Variants in BCL11B observed in about 807,000 individuals in gnomAD.
BCL11B encodes the protein B-cell lymphoma/leukemia 11B.
Under a neutral mutation model 49.9 loss-of-function variants are expected in BCL11B, and 8 were observed. That is an observed-to-expected ratio of 0.16 (90% CI 0.09 to 0.29). BCL11B has a LOEUF of 0.29. Among genes scored for constraint, BCL11B ranks in the 10% least tolerant of loss-of-function variants. BCL11B has a pLI of 1.00. For synonymous variants in BCL11B, 739 were observed against 637.4 expected, an observed-to-expected ratio of 1.16 and a Z score of -2.40; for missense variants, 1,006 against 1,351.0, an observed-to-expected ratio of 0.74 and a Z score of 4.00.
At position 99,175,863 on chromosome 14, in the gene BCL11B, G is replaced by T; in HGVS notation, c.973C>A (p.Leu325Met). 2.0e-6 allele frequency: 3 copies of T among 1,477,584 alleles called. No individual in the cohort carries two copies. The highest frequency in any genetic ancestry group is 2.7e-6 in the Non-Finnish European group (3 of 1,119,504). 91.5% of individuals were successfully genotyped at this position (1,477,584 alleles called of 1,614,324 possible). A position where few individuals can be genotyped will look rare whatever the true frequency, so the allele number is the denominator to read the frequency against. The change falls in exon 4 of 4, where the codon CTG becomes ATG. Residue 325 changes from leucine (L) to methionine (M), a missense_variant. This residue lies in a region of BCL11B where 411 missense variants were observed against 542.2 expected (regional missense o/e 0.76). Coordinates refer to ENST00000357195, the MANE Select transcript of BCL11B (RefSeq NM_138576.4). Reference protein sequence around the residue: ...PLFSPPPRHHLDPHRLSAEEM... With the variant: ...PLFSPPPRHHMDPHRLSAEEM... ...TCGGCACTGAGGCGGTGCGGGTCCA[G>T]GTGGTGGCGCGGCGGGGGACTGAAG...
chr14:99,174,508 G>A lies in BCL11B; in HGVS notation c.2328C>T (p.Thr776=), dbSNP rs769515267. Residue 776 remains threonine, a synonymous_variant, in exon 4 of 4, where the codon ACC becomes ACT. Transcript: ENST00000357195. The part of the protein sequence containing the change: ...GRSGTASGGS[T]PHLGGPGPGR... ...CGGGGCCCGGGCCGCCCAGGTGCGG[G>A]GTGCTGCCTCCGCTGGCCGTGCCGC... 2.7e-5 allele frequency: 42 copies of A among 1,540,062 alleles called. No homozygotes were observed. Among genetic ancestry groups the A allele is most frequent in the African/African-American group, 6.9e-5 (5 of 72,042 alleles).
intron 3 of BCL11B, among the ~76,000 whole-genome samples, chr14:99,179,774 G>A (rs1886647623): frequency 6.6e-6 from 1 of 152,040 alleles, no homozygotes; most frequent in Admixed American, 6.5e-5. Flanking sequence ...GCCCGCCCTA[G>A]ACAACTTTCT....
chr14:99,190,315 C>A, intron 3 of BCL11B, among the ~76,000 whole-genome samples: 1 of 152,206 alleles, frequency 6.6e-6, no homozygotes, highest in East Asian at 1.9e-4. Flanking sequence ...AGTGAAACCC[C>A]GTCTCTACTA....
intron 1 of BCL11B, 90 bp downstream of exon 1, chr14:99,271,071 C>T: frequency 7.3e-7 from 1 of 1,363,386 alleles, no homozygotes; most frequent in Non-Finnish European, 9.6e-7. Context: ...GGCGCCTGGC[C>T]AGGCTCGGCT....
chr14:99,233,429 A>G (rs1009234653), intron 2 of BCL11B, among the ~76,000 whole-genome samples: 13 of 152,224 alleles, frequency 8.5e-5, no homozygotes, highest in African/African-American at 2.9e-4. Context: ...TGGGATCTCT[A>G]GAGCAACGGC....
chr14:99,204,951 C>T lies in BCL11B; in HGVS notation c.640+26394G>A, dbSNP rs558841294. Among the ~76,000 whole-genome samples, 31 of 152,258 alleles carry T rather than the reference C, an allele frequency of 2.0e-4. No individual in the cohort carries two copies. The East Asian group carries it at 3.3e-3, about 16-fold the overall frequency. On this transcript the variant is annotated intron_variant, in intron 3 of 3. Transcript: ENST00000357195. Reference sequence around the variant, plus strand: ...CATGTAACTTGGGGCCTAAATTCAGCCCACTTCATGTGACAACACCATTAC... The same window carrying T: ...CATGTAACTTGGGGCCTAAATTCAGTCCACTTCATGTGACAACACCATTAC...
At chr14:99,256,696 G>A (rs1889173452) in intron 2 of BCL11B, among the ~76,000 whole-genome samples, 1 of 152,224 alleles carries the variant, frequency 6.6e-6, no homozygotes, top group African/African-American at 2.4e-5. Flanking sequence ...ACTGTGGTGA[G>A]CAGACCCACG....
intron 3 of BCL11B, among the ~76,000 whole-genome samples, chr14:99,199,698 A>G (rs1317877144): frequency 1.3e-3 from 67 of 52,426 alleles, no homozygotes; most frequent in African/African-American, 2.5e-3. Flanking sequence ...GCGCGCGCGC[A>G]CGTGCACGTG....
Position 99,242,448 on chromosome 14 carries a change from T to C in BCL11B, c.428-10891A>G, listed in dbSNP as rs1449708965. 1.3e-5 allele frequency among the ~76,000 whole-genome samples: 2 copies of C among 152,148 alleles called. No individual in the cohort carries two copies. Among genetic ancestry groups the C allele is most frequent in the African/African-American group, 4.8e-5 (2 of 41,442 alleles). On this transcript the variant is annotated intron_variant, in intron 2 of 3. Transcript: ENST00000357195. This position sits in a 1 kb window ranked among gnomAD's most constrained non-coding sequence, Gnocchi z 4.4. Reference sequence around the variant, plus strand: ...TGCCCACGTGGAATTTACTTAGATCTGTATTCAATTAAGAAGCACCAGACA... The same window carrying C: ...TGCCCACGTGGAATTTACTTAGATCCGTATTCAATTAAGAAGCACCAGACA...
At chr14:99,196,219 C>T (rs775474611) in intron 3 of BCL11B, among the ~76,000 whole-genome samples, 1 of 152,198 alleles carries the variant, frequency 6.6e-6, no homozygotes, top group Non-Finnish European at 1.5e-5. Context: ...CAGCCAAGCC[C>T]TCTTCTCAGG....
intron 2 of BCL11B, among the ~76,000 whole-genome samples, chr14:99,233,267 C>A (rs555823210): frequency 6.6e-6 from 1 of 152,298 alleles, no homozygotes; most frequent in South Asian, 2.1e-4. Flanking sequence ...CATCCATCAT[C>A]ATGACAGCCA....
intron 3 of BCL11B, among the ~76,000 whole-genome samples, chr14:99,214,050 C>T (rs556083166): frequency 3.0e-4 from 45 of 152,318 alleles, no homozygotes; most frequent in African/African-American, 1.1e-3. Context: ...CATTTGTCAG[C>T]TGCCTAATTA....
At chr14:99,179,504 CT>C (rs1481442500) in intron 3 of BCL11B, among the ~76,000 whole-genome samples, 2 of 113,612 alleles carry the variant, frequency 1.8e-5, no homozygotes, top group Non-Finnish European at 2.0e-5. Context: ...AAAAAAGCTT[CT>C]AAAACTAACT....
In BCL11B at chr14:99,174,997, G is replaced by C; in HGVS notation, c.1839C>G (p.Leu613=). 1.3e-6 allele frequency: 2 copies of C among 1,583,534 alleles called. No homozygotes were observed. The highest frequency in any genetic ancestry group is 1.7e-4 in the Middle Eastern group (1 of 5,960). ...GLGALPQYGE[L]LADKQKRGAF... is the part of the protein sequence containing the mutation. ...CGCCGCGCTTCTGCTTGTCGGCCAG[G>C]AGCTCGCCGTACTGCGGCAGTGCGC... Residue 613 remains leucine, a synonymous_variant, in exon 4 of 4, where the codon CTC becomes CTG. Transcript: ENST00000357195.
chr14:99,212,682 C>T (rs1469717263), intron 3 of BCL11B, among the ~76,000 whole-genome samples: 1 of 152,162 alleles, frequency 6.6e-6, no homozygotes, highest in Non-Finnish European at 1.5e-5. Flanking sequence ...TCAGCAGAGA[C>T]TTCCCAGAGA....
chr14:99,192,623 G>A lies in BCL11B; in HGVS notation c.641-16428C>T, dbSNP rs1254649884. Among the ~76,000 whole-genome samples, 3 of 152,174 alleles carry A rather than the reference G, an allele frequency of 2.0e-5. No individual in the cohort carries two copies. The highest frequency in any genetic ancestry group is 7.2e-5 in the African/African-American group (3 of 41,434). On this transcript the variant is annotated intron_variant, in intron 3 of 3. Coordinates refer to ENST00000357195, the MANE Select transcript of BCL11B (RefSeq NM_138576.4). The surrounding 1 kb of genome is among the most constrained non-coding windows in gnomAD (Gnocchi z 4.0). ...GACCGGCTGAAGTTTGGATGGGAAG[G>A]GACATGGCAACTTGGGAACCACACT...
Position 99,174,507 on chromosome 14 carries a change from G to C in BCL11B, c.2329C>G (p.Pro777Ala). ...RSGTASGGST[P>A]HLGGPGPGRP... ...CCGGGGCCCGGGCCGCCCAGGTGCGGGGTGCTGCCTCCGCTGGCCGTGCCG... is the reference window on the plus strand; with the variant it reads ...CCGGGGCCCGGGCCGCCCAGGTGCGCGGTGCTGCCTCCGCTGGCCGTGCCG... Residue 777 changes from proline (P) to alanine (A), a missense_variant, in exon 4 of 4, where the codon CCG becomes GCG. Pro to Ala is a conservative substitution (Grantham distance 27). Around this residue, in one of 6 missense-constraint regions of BCL11B, gnomAD observed 443 missense variants for 499.7 expected, o/e 0.89. Transcript: ENST00000357195. 2 of 1,542,772 alleles carry C rather than the reference G, an allele frequency of 1.3e-6. No homozygotes were observed. Among genetic ancestry groups the C allele is most frequent in the East Asian group, 2.5e-5 (1 of 40,594 alleles).
At chr14:99,250,406 C>T (rs934096022) in intron 2 of BCL11B, among the ~76,000 whole-genome samples, 2 of 151,830 alleles carry the variant, frequency 1.3e-5, no homozygotes, top group African/African-American at 4.8e-5. Flanking sequence ...CCAGCCTGGG[C>T]GACAGCGAGA....
intron 2 of BCL11B, among the ~76,000 whole-genome samples, chr14:99,253,407 G>T (rs1889064592): frequency 6.6e-6 from 1 of 152,240 alleles, no homozygotes; most frequent in African/African-American, 2.4e-5. Context: ...CCATTGCCAA[G>T]AAGACCGGTG....
Sources: allele counts gnomAD v4.1 joint callset (sites outside exome capture counted in the v4.1 genomes callset), GRCh38; gene constraint gnomAD v4.1.1; regional missense constraint gnomAD v4.1.1; non-coding constraint Gnocchi (gnomAD v3.1); transcripts MANE v1.5; gene names NCBI Gene and HGNC (gene_info 2026-07-23, HGNC 2026-07-21).